Variants in DOCK1 observed in about 807,000 individuals in gnomAD.
The protein encoded by DOCK1 is dedicator of cytokinesis 1, also known as dedicator of cytokinesis protein 1.
Under a neutral mutation model 262.7 loss-of-function variants are expected in DOCK1, and 138 were observed. The observed-to-expected ratio is 0.53, with a 90% CI of 0.46 to 0.61. The LOEUF (loss-of-function observed/expected upper bound fraction) is 0.61. Among genes scored for constraint, DOCK1 ranks in the 20% least tolerant of loss-of-function variants. The pLI, the probability that DOCK1 is intolerant of heterozygous loss-of-function variation, is 0.00. For synonymous variants in DOCK1, 866 were observed against 867.4 expected (o/e 1.00, Z 0.03); for missense variants, 1,908 against 2,370.7 (o/e 0.80, Z 4.05).
intron 29 of DOCK1, among the ~76,000 whole-genome samples, chr10:127,273,736 A>G (rs913480340): frequency 1.3e-5 from 2 of 152,132 alleles, no homozygotes; most frequent in Admixed American, 6.5e-5. Context: ...AAAAAAAGTT[A>G]GCCGGGTGCG....
Position 126,996,886 on chromosome 10 carries a change from A to G in DOCK1, c.609+3A>G, listed in dbSNP as rs1473750549. ...AGGAAAGGTTACAAGAGGAAAAAGT[A>G]AGTTTGACTCTGTCATATGCCATTC... On this transcript the variant is annotated splice_donor_region_variant and intron_variant, in intron 7 of 51. Transcript: ENST00000623213. The G allele has an allele frequency of 6.3e-7, 1 of 1,594,482 alleles. No individual in the cohort carries two copies. The highest frequency in any genetic ancestry group is 1.8e-5 in the Admixed American group (1 of 55,512).
intron 29 of DOCK1, among the ~76,000 whole-genome samples, chr10:127,261,033 AT>A (rs1458012324): frequency 3.0e-5 from 1 of 33,742 alleles, no homozygotes. Context: ...GGGTGTCTGT[AT>A]GTGTGTACCC....
chr10:127,303,813 C>A (rs1215081663), intron 29 of DOCK1, among the ~76,000 whole-genome samples: 1 of 152,154 alleles, frequency 6.6e-6, no homozygotes, highest in Admixed American at 6.5e-5. Flanking sequence ...GAGCTGTGAT[C>A]CCACCACTGT....
At position 127,127,755 on chromosome 10, in the gene DOCK1, T is replaced by G; in HGVS notation, c.2838T>G (p.Ser946=). 2 of 1,611,792 alleles carry G rather than the reference T, an allele frequency of 1.2e-6. No homozygotes were observed. Among genetic ancestry groups the G allele is most frequent in the Non-Finnish European group, 1.7e-6 (2 of 1,178,186 alleles). ...CCGTCATTTCCATGGGACGAGATTCTGAACTCATTGTAAGTGCTTGGTGAC... is the reference window on the plus strand; with the variant it reads ...CCGTCATTTCCATGGGACGAGATTCGGAACTCATTGTAAGTGCTTGGTGAC... ...NRTVISMGRD[S]ELIGNFVACM... The change falls in exon 27 of 52, where the codon TCT becomes TCG. Residue 946 remains serine (S), a synonymous_variant. Transcript: ENST00000623213.
At chr10:127,042,963 A>T in intron 20 of DOCK1, 101 bp from the exon 21 acceptor site, 1 of 974,012 alleles carries the variant, frequency 1.0e-6, no homozygotes, top group Non-Finnish European at 1.5e-6. Flanking sequence ...TGAAAATGTT[A>T]TGGTTCATAT....
chr10:127,139,561 T>TG (rs1208140577), intron 27 of DOCK1, among the ~76,000 whole-genome samples: 6 of 152,184 alleles, frequency 3.9e-5, no homozygotes, highest in African/African-American at 1.4e-4. Flanking sequence ...TACGTGATGA[T>TG]GGAGGCATAG....
At chr10:127,224,968 T>C (rs1289366596) in intron 27 of DOCK1, among the ~76,000 whole-genome samples, 1 of 152,110 alleles carries the variant, frequency 6.6e-6, no homozygotes, top group Non-Finnish European at 1.5e-5. Flanking sequence ...CATACTTAAT[T>C]GTTTAAGGAA....
At chr10:126,974,531 C>T (rs1049476764) in intron 2 of DOCK1, among the ~76,000 whole-genome samples, 1 of 152,080 alleles carries the variant, frequency 6.6e-6, no homozygotes, top group South Asian at 2.1e-4. Context: ...ACTTGCAAGC[C>T]GTGCCAGGGA....
At chr10:126,927,756 GTTCA>G (rs2033867477) in intron 1 of DOCK1, among the ~76,000 whole-genome samples, 1 of 152,132 alleles carries the variant, frequency 6.6e-6, no homozygotes, top group East Asian at 1.9e-4. Flanking sequence ...TCTTTCACGT[GTTCA>G]TTCAGTAGAC....
In DOCK1 at chr10:127,127,773, T is replaced by G; in HGVS notation, c.2847+9T>G. 1 of 1,607,220 alleles carries G rather than the reference T, an allele frequency of 6.2e-7. No individual in the cohort carries two copies. The highest frequency in any genetic ancestry group is 1.3e-5 in the African/African-American group (1 of 75,016). On this transcript the variant is annotated intron_variant, in intron 27 of 51. Coordinates refer to ENST00000623213, the MANE Select transcript of DOCK1 (RefSeq NM_001290223.2). Reference sequence around the variant, plus strand: ...GAGATTCTGAACTCATTGTAAGTGCTTGGTGACATATGTTTGGATATTTAA... The same window carrying G: ...GAGATTCTGAACTCATTGTAAGTGCGTGGTGACATATGTTTGGATATTTAA...
In DOCK1 at chr10:126,977,978, A is replaced by G. The variant is rs745842428; in HGVS notation, c.161A>G (p.Lys54Arg). 1 of 1,613,982 alleles carries G rather than the reference A, an allele frequency of 6.2e-7. No homozygotes were observed. The highest frequency in any genetic ancestry group is 8.5e-7 in the Non-Finnish European group (1 of 1,179,882). ...GWYRGYTLRK[K>R]SKKGIFPASY... ...TACCGAGGTTACACGTTACGAAAAA[A>G]GTCTAAGAAGGTAAGTCCTTCTTCT... Residue 54 changes from lysine (K) to arginine (R), a missense_variant, in exon 3 of 52, where the codon AAG (lysine) becomes AGG (arginine). Lys to Arg is a conservative substitution (Grantham distance 26). Transcript: ENST00000623213.
chr10:127,139,243 A>G (rs1191218662), intron 27 of DOCK1, among the ~76,000 whole-genome samples: 1 of 152,156 alleles, frequency 6.6e-6, no homozygotes, highest in Admixed American at 6.5e-5. Flanking sequence ...ATCCTAGACA[A>G]ATTTTGACAT....
At chr10:127,046,757 C>CAAAAAAA in intron 21 of DOCK1, among the ~76,000 whole-genome samples, 1 of 73,348 alleles carries the variant, frequency 1.4e-5, no homozygotes, top group African/African-American at 5.5e-5. Flanking sequence ...CACTACGTCT[C>CAAAAAAA]AAAAAAAAAA....
chr10:127,006,628 G>C (rs367961890), intron 10 of DOCK1, among the ~76,000 whole-genome samples: 1 of 152,362 alleles, frequency 6.6e-6, no homozygotes, highest in Non-Finnish European at 1.5e-5. Flanking sequence ...GACTGGTGAC[G>C]TCAAGGCCTT....
At chr10:127,234,870 T>G (rs565057463) in intron 27 of DOCK1, among the ~76,000 whole-genome samples, 21 of 150,534 alleles carry the variant, frequency 1.4e-4, no homozygotes, top group African/African-American at 5.1e-4. Flanking sequence ...TTATAGGACA[T>G]GGTGATTTTC....
intron 27 of DOCK1, among the ~76,000 whole-genome samples, chr10:127,179,247 A>G (rs1349269290): frequency 6.6e-6 from 1 of 152,236 alleles, no homozygotes; most frequent in East Asian, 1.9e-4. Context: ...CTTGGACGCA[A>G]CCATCAAACT....
Position 127,381,237 on chromosome 10 carries a change from T to C in DOCK1, c.3717-41T>C, listed in dbSNP as rs776653598. 38 of 1,545,080 alleles carry C rather than the reference T, an allele frequency of 2.5e-5. No homozygotes were observed. In the East Asian group the frequency reaches 5.5e-4, roughly 22 times the overall value. On this transcript the variant is annotated intron_variant, in intron 36 of 51. Transcript: ENST00000623213. ...CTTGCAATCCTCAACACAAATTATT[T>C]AGTGACATTTTAAGAACATACCTCT... is the stretch of plus-strand genomic sequence containing the variant.
intron 27 of DOCK1, among the ~76,000 whole-genome samples, chr10:127,203,826 T>C (rs2057586304): frequency 6.6e-6 from 1 of 152,154 alleles, no homozygotes; most frequent in East Asian, 1.9e-4. Flanking sequence ...GGGGTTCTCA[T>C]ATATTAGTCC....
intron 38 of DOCK1, among the ~76,000 whole-genome samples, chr10:127,393,917 C>T (rs551849837): frequency 6.6e-6 from 1 of 152,050 alleles, no homozygotes; most frequent in African/African-American, 2.4e-5. Flanking sequence ...GCTCTTTTTC[C>T]ATTCCATTCT....
Sources: gnomAD v4.1 joint callset for allele counts (sites outside exome capture counted in the v4.1 genomes callset) on GRCh38, gnomAD v4.1.1 for gene constraint, MANE v1.5 for transcripts, NCBI Gene and HGNC (gene_info 2026-07-23, HGNC 2026-07-21) for gene names.